Variants in TTC7A observed in about 807,000 individuals in gnomAD.
The protein encoded by TTC7A is tetratricopeptide repeat domain 7A.
In TTC7A, 110 loss-of-function variants were observed where a neutral mutation model predicts 103.7. The ratio of observed to expected loss-of-function variants is 1.06; its 90% CI spans 0.91 to 1.24. The LOEUF is 1.24. TTC7A is among the 50% of genes most tolerant of loss of function. The probability of loss-of-function intolerance (pLI) is 0.00; values close to 1 mark genes in which losing one functional copy is unlikely to be tolerated. For synonymous variants in TTC7A, 521 were observed against 467.9 expected (o/e 1.11, Z -1.47); for missense variants, 1,340 against 1,116.3 (o/e 1.20, Z -2.86).
intron 2 of TTC7A, among the ~76,000 whole-genome samples, chr2:46,920,034 T>TA (rs1197027662): frequency 6.6e-6 from 1 of 152,222 alleles, no homozygotes; most frequent in Non-Finnish European, 1.5e-5. Flanking sequence ...AGATATACTA[T>TA]AAACTGGGGT....
intron 15 of TTC7A, among the ~76,000 whole-genome samples, chr2:47,042,873 T>C (rs570864230): frequency 3.9e-5 from 6 of 152,290 alleles, no homozygotes; most frequent in African/African-American, 1.2e-4. Flanking sequence ...GCTCAGTTGG[T>C]TTATAAGACA....
intron 14 of TTC7A, 94 bp downstream of exon 14, chr2:47,024,453 G>A: frequency 1.7e-6 from 2 of 1,159,626 alleles, no homozygotes; most frequent in Non-Finnish European, 2.4e-6. Context: ...CTCTGCAAGT[G>A]ACTTTGCCTC....
At chr2:47,049,332 G>A (rs979112259) in intron 16 of TTC7A, among the ~76,000 whole-genome samples, 5 of 151,856 alleles carry the variant, frequency 3.3e-5, no homozygotes, top group Non-Finnish European at 7.4e-5. Context: ...CCCCCACTCT[G>A]TGAAAAGAGG....
At chr2:47,019,356 G>C (rs1436645879) in intron 11 of TTC7A, among the ~76,000 whole-genome samples, 3 of 151,752 alleles carry the variant, frequency 2.0e-5, no homozygotes, top group African/African-American at 7.3e-5. Flanking sequence ...AACATAGTGA[G>C]ACACCATTTT....
intron 19 of TTC7A, among the ~76,000 whole-genome samples, chr2:47,071,931 T>G (rs1684763536): frequency 6.6e-6 from 1 of 152,246 alleles, no homozygotes; most frequent in Non-Finnish European, 1.5e-5. Context: ...CTGGGAGGCC[T>G]TGCCGGCCTT....
At chr2:46,984,916 G>A (rs948270005) in intron 5 of TTC7A, among the ~76,000 whole-genome samples, 1 of 152,166 alleles carries the variant, frequency 6.6e-6, no homozygotes, top group Non-Finnish European at 1.5e-5. Flanking sequence ...CCAGGGCCTA[G>A]TGACAGCGGG....
chr2:47,060,982 G>GC lies in TTC7A; in HGVS notation c.2355+17dup, dbSNP rs762400105. The stretch of plus-strand genomic sequence containing the variant: ...ATCATGCATAGCCTGGTGAGTCAGA[G>GC]CCCCCCGCGCTCCCACCACCTCCTC... On this transcript the variant is annotated intron_variant, in intron 19 of 19. Transcript: ENST00000319190. 1.4e-5 allele frequency: 22 copies of GC among 1,583,290 alleles called. No homozygotes were observed. The highest frequency in any genetic ancestry group is 4.5e-5 in the South Asian group (4 of 88,538).
chr2:47,071,054 C>T (rs548079025), intron 19 of TTC7A: 1 of 152,312 alleles, frequency 6.6e-6, no homozygotes, highest in African/African-American at 2.4e-5. Flanking sequence ...CCCAGGAGGC[C>T]TGTTCTCTGG....
intron 14 of TTC7A, among the ~76,000 whole-genome samples, chr2:47,025,124 G>A (rs59396728): frequency 6.6e-6 from 1 of 152,082 alleles, no homozygotes; most frequent in African/African-American, 2.4e-5. Flanking sequence ...TCTCCTTGCC[G>A]GAACCACCCA....
intron 15 of TTC7A, among the ~76,000 whole-genome samples, chr2:47,031,296 A>C (rs1475974250): frequency 2.6e-5 from 4 of 152,208 alleles, no homozygotes; most frequent in South Asian, 2.1e-4. Flanking sequence ...CAGTAATACA[A>C]GGTAAGAACA....
intron 5 of TTC7A, among the ~76,000 whole-genome samples, chr2:46,987,548 G>A (rs1675139851): frequency 6.6e-6 from 1 of 152,184 alleles, no homozygotes; most frequent in South Asian, 2.1e-4. Context: ...TCTCTGAGTT[G>A]GTTTTTCCCT....
upstream of TTC7A, among the ~76,000 whole-genome samples, chr2:46,940,988 CCCCCGGGCG>C (rs1670283062): frequency 6.6e-6 from 1 of 151,510 alleles, no homozygotes; most frequent in Non-Finnish European, 1.5e-5. The surrounding 1 kb of genome is among the most constrained non-coding windows in gnomAD (Gnocchi z 4.7). Flanking sequence ...AAGCGAGGCG[CCCCCGGGCG>C]CCGGGGCTCC....
chr2:47,002,291 T>C (rs1163651362), intron 8 of TTC7A, among the ~76,000 whole-genome samples: 1 of 152,198 alleles, frequency 6.6e-6, no homozygotes, highest in Non-Finnish European at 1.5e-5. Context: ...GTGTGGGGGT[T>C]ATGGCAGTGC....
chr2:46,993,529 G>A lies in TTC7A; in HGVS notation c.843+1G>A. ...CAAAGCAACTCAGAACTTCAAAGTG[G>A]TAATGTGGGGTGCTGGCAGTGCTGG... On this transcript the variant is annotated splice_donor_variant, in intron 6 of 19. Transcript: ENST00000319190. LOFTEE classifies it high-confidence loss of function. 6.2e-7 allele frequency: 1 copy of A among 1,614,048 alleles called. No individual in the cohort carries two copies. Among genetic ancestry groups the A allele is most frequent in the Non-Finnish European group, 8.5e-7 (1 of 1,179,934 alleles).
chr2:47,003,548 G>A (rs1677059020), intron 8 of TTC7A, among the ~76,000 whole-genome samples: 1 of 152,146 alleles, frequency 6.6e-6, no homozygotes. Flanking sequence ...TGGCCATAGT[G>A]ATGGCTCGCA....
rs190050664 is a variant in TTC7A at position 46,954,842 on chromosome 2, A to G, written c.349-1997A>G. Among the ~76,000 whole-genome samples the G allele has an allele frequency of 1.0e-3, 152 of 152,312 alleles. No individual in the cohort carries two copies. The East Asian group carries it at 0.028, about 28-fold the overall frequency. On this transcript the variant is annotated intron_variant, in intron 2 of 19. Coordinates refer to ENST00000319190, the MANE Select transcript of TTC7A (RefSeq NM_020458.4). ...TGCCTCGACCTCCCAAAGTGCTGGG[A>G]TTACAGGCGTGAGCCACCGTACCCG...
chr2:47,008,161 G>T (rs1283430227), intron 10 of TTC7A, among the ~76,000 whole-genome samples: 1 of 152,140 alleles, frequency 6.6e-6, no homozygotes, highest in Non-Finnish European at 1.5e-5. Flanking sequence ...CCTACCTCTG[G>T]GAAACACAGA....
intron 3 of TTC7A, chr2:46,958,467 CCT>C (rs1284376912): frequency 2.2e-5 from 29 of 1,303,560 alleles, no homozygotes; most frequent in Non-Finnish European, 2.9e-5. Context: ...TGGATTGCCC[CCT>C]GTCTCCTGCT....
intron 5 of TTC7A, among the ~76,000 whole-genome samples, chr2:46,990,324 G>C (rs1181713282): frequency 6.6e-6 from 1 of 152,202 alleles, no homozygotes; most frequent in African/African-American, 2.4e-5. Context: ...TATTTCCTGA[G>C]ACAGAGGCCT....
Sources: allele counts gnomAD v4.1 joint callset (sites outside exome capture counted in the v4.1 genomes callset), GRCh38; gene constraint gnomAD v4.1.1; non-coding constraint Gnocchi (gnomAD v3.1); transcripts MANE v1.5; gene names NCBI Gene and HGNC (gene_info 2026-07-23, HGNC 2026-07-21).